The following WDR7 variants were observed in gnomAD, a reference collection of about 807,000 sequenced individuals.
WDR7 encodes WD repeat domain 7, also known as WD repeat-containing protein 7.
A neutral mutation model predicts 169.4 loss-of-function variants in WDR7; 46 were observed. The observed-to-expected ratio is 0.27, with a 90% CI of 0.21 to 0.35. WDR7 has a LOEUF of 0.35. Among genes scored for constraint, WDR7 ranks in the 10% least tolerant of loss-of-function variants. The pLI is 1.00. For synonymous variants in WDR7, 612 were observed against 666.8 expected (o/e 0.92, Z 1.27); for missense variants, 1,534 against 1,859.3 (o/e 0.83, Z 3.22).
At chr18:56,712,821 T>C (rs969460848) in intron 12 of WDR7, among the ~76,000 whole-genome samples, 3 of 152,196 alleles carry the variant, frequency 2.0e-5, no homozygotes, top group Non-Finnish European at 4.4e-5. Context: ...AGACAGTCAA[T>C]GGAGGTATAG....
At chr18:56,719,700 A>G (rs778672057) in intron 13 of WDR7, among the ~76,000 whole-genome samples, 9 of 152,146 alleles carry the variant, frequency 5.9e-5, no homozygotes, top group African/African-American at 2.2e-4. Context: ...CATAAACTGA[A>G]TATATGGAAT....
intron 25 of WDR7, among the ~76,000 whole-genome samples, chr18:56,941,935 G>A (rs117125394): frequency 0.012 from 1,859 of 152,274 alleles, 31 homozygotes; most frequent in Middle Eastern, 0.058. Flanking sequence ...GCCCTGAGTC[G>A]CTGGGAGAGA....
intron 26 of WDR7, among the ~76,000 whole-genome samples, chr18:56,996,722 G>A (rs190138034): frequency 1.3e-5 from 2 of 152,296 alleles, no homozygotes; most frequent in East Asian, 3.9e-4. Flanking sequence ...AGGGGAGGCT[G>A]CCTCATTACT....
At chr18:56,966,434 T>C (rs982732575) in intron 26 of WDR7, among the ~76,000 whole-genome samples, 6 of 152,074 alleles carry the variant, frequency 3.9e-5, no homozygotes, top group African/African-American at 1.2e-4. Context: ...TGATGACCCA[T>C]TTCCACTTGA....
chr18:56,780,265 G>C (rs1300799686), intron 18 of WDR7, among the ~76,000 whole-genome samples: 2 of 151,368 alleles, frequency 1.3e-5, no homozygotes, highest in Non-Finnish European at 2.9e-5. Context: ...GTTTAATAAA[G>C]ATTTTCCTTA....
At chr18:57,012,228 G>A (rs1440218687) in intron 26 of WDR7, among the ~76,000 whole-genome samples, 1 of 152,136 alleles carries the variant, frequency 6.6e-6, no homozygotes, top group Admixed American at 6.5e-5. Flanking sequence ...GTGGGCCAGT[G>A]GACCCTGCCT....
At chr18:56,901,962 T>C (rs2046408623) in intron 21 of WDR7, among the ~76,000 whole-genome samples, 1 of 151,574 alleles carries the variant, frequency 6.6e-6, no homozygotes, top group South Asian at 2.1e-4. Context: ...GGGCGAATAC[T>C]ACTATTGGCA....
intron 16 of WDR7, among the ~76,000 whole-genome samples, chr18:56,764,065 T>C (rs2044024118): frequency 7.9e-6 from 1 of 126,692 alleles, no homozygotes; most frequent in South Asian, 2.5e-4. Context: ...TGATTATTAT[T>C]TATTTTTTCT....
rs934621235 is a variant in WDR7, at chr18:56,786,940, C to G, written c.3190+5284C>G. Among the ~76,000 whole-genome samples, 8 of 151,402 alleles carry G rather than the reference C, an allele frequency of 5.3e-5. 1 individual carries two copies. In the South Asian group the frequency reaches 1.1e-3, roughly 20 times the overall value. On this transcript the variant is annotated intron_variant, in intron 19 of 27. Transcript: ENST00000254442. Reference sequence around the variant, plus strand: ...TTGCCATTAAAAGTAGTGGCAAAAACCACAATTACTTTTGCACCAACCTAA... The same window carrying G: ...TTGCCATTAAAAGTAGTGGCAAAAAGCACAATTACTTTTGCACCAACCTAA...
chr18:56,770,610 T>C (rs550331483), intron 16 of WDR7, among the ~76,000 whole-genome samples: 1 of 152,344 alleles, frequency 6.6e-6, no homozygotes, highest in Admixed American at 6.5e-5. Context: ...AGTGGTGATG[T>C]ACAGGTGAAG....
At chr18:57,002,402 A>G (rs2047995896) in intron 26 of WDR7, among the ~76,000 whole-genome samples, 2 of 152,196 alleles carry the variant, frequency 1.3e-5, no homozygotes, top group Non-Finnish European at 2.9e-5. Context: ...ATTATCATAA[A>G]AACTAGGACA....
intron 21 of WDR7, among the ~76,000 whole-genome samples, chr18:56,907,116 G>T (rs963003456): frequency 1.3e-5 from 2 of 152,174 alleles, no homozygotes; most frequent in African/African-American, 4.8e-5. Context: ...GTATAAAGAT[G>T]TGCTACAGAG....
chr18:56,759,025 A>G (rs933801497), intron 16 of WDR7, 72 bp downstream of exon 16: 3 of 1,213,762 alleles, frequency 2.5e-6, no homozygotes, highest in South Asian at 1.5e-5. Flanking sequence ...TAGCTAATGT[A>G]TAATCATAAT....
chr18:56,711,813 G>A (rs2026092216), intron 12 of WDR7, among the ~76,000 whole-genome samples: 1 of 151,722 alleles, frequency 6.6e-6, no homozygotes, highest in Admixed American at 6.6e-5. Flanking sequence ...TCCCCTTCAG[G>A]TAGAATATTT....
At chr18:56,965,036 A>T (rs2047388139) in intron 26 of WDR7, among the ~76,000 whole-genome samples, 2 of 152,206 alleles carry the variant, frequency 1.3e-5, no homozygotes, top group Non-Finnish European at 2.9e-5. Flanking sequence ...ATTATAGGTG[A>T]ATCAAAGGAT....
intron 19 of WDR7, among the ~76,000 whole-genome samples, chr18:56,799,535 C>T (rs753772056): frequency 1.4e-4 from 21 of 151,984 alleles, no homozygotes; most frequent in Non-Finnish European, 2.4e-4. Context: ...GCTGACAACA[C>T]TAACATATTT....
At chr18:56,684,333 T>TA (rs1340342503) in intron 5 of WDR7, among the ~76,000 whole-genome samples, 1 of 152,114 alleles carries the variant, frequency 6.6e-6, no homozygotes, top group Non-Finnish European at 1.5e-5. Context: ...TTGTCAAACT[T>TA]ATACTGTAAA....
chr18:56,776,724 T>TC (rs1294343059), intron 16 of WDR7, 58 bp from the exon 17 acceptor site: 1 of 1,496,454 alleles, frequency 6.7e-7, no homozygotes, highest in African/African-American at 1.4e-5. Flanking sequence ...AAGCTTTTTT[T>TC]CAGAAACTGC....
At chr18:56,758,441 C>T (rs1304997335) in intron 15 of WDR7, among the ~76,000 whole-genome samples, 1 of 152,184 alleles carries the variant, frequency 6.6e-6, no homozygotes, top group Non-Finnish European at 1.5e-5. Flanking sequence ...ACAACTGAGA[C>T]AGTCTGCCTC....
Sources: gnomAD v4.1 joint callset for allele counts (sites outside exome capture counted in the v4.1 genomes callset) on GRCh38, gnomAD v4.1.1 for gene constraint, MANE v1.5 for transcripts, NCBI Gene and HGNC (gene_info 2026-07-23, HGNC 2026-07-21) for gene names.